AGO4: variants seen among roughly 807,000 people sequenced by gnomAD.
The protein encoded by AGO4 is argonaute RISC component 4, also known as protein argonaute-4.
Under a neutral mutation model 104.7 loss-of-function variants are expected in AGO4, and 33 were observed. That is an observed-to-expected ratio of 0.32 (90% CI 0.24 to 0.42). AGO4 has a LOEUF of 0.42. Ranked by LOEUF, AGO4 falls within the 10% of genes least tolerant of loss-of-function variation. The probability of loss-of-function intolerance (pLI) is 1.00; values close to 1 mark genes in which losing one functional copy is unlikely to be tolerated. For missense variants in AGO4, 711 were observed against 1,083.4 expected (o/e 0.66, Z 4.83); for synonymous variants, 331 against 364.7 (o/e 0.91, Z 1.05).
At chr1:35,828,515 C>T (rs910886439) in intron 7 of AGO4, among the ~76,000 whole-genome samples, 1 of 151,998 alleles carries the variant, frequency 6.6e-6, no homozygotes, top group African/African-American at 2.4e-5. Flanking sequence ...TTCCTAATCA[C>T]CCAACACTTC....
At chr1:35,843,136 C>T (rs542716036) in intron 15 of AGO4, among the ~76,000 whole-genome samples, 2 of 152,258 alleles carry the variant, frequency 1.3e-5, no homozygotes, top group East Asian at 3.9e-4. Flanking sequence ...ACAATCTTGG[C>T]TCACTGCAAC....
chr1:35,826,693 T>C (rs1644028407), intron 6 of AGO4, 55 bp from the exon 7 acceptor site: 1 of 1,418,518 alleles, frequency 7.0e-7, no homozygotes, highest in Admixed American at 1.7e-5. Context: ...TTGAATCTGT[T>C]TTTGCCACTG....
intron 7 of AGO4, among the ~76,000 whole-genome samples, chr1:35,828,421 T>C (rs1207629854): frequency 6.6e-6 from 1 of 152,156 alleles, no homozygotes; most frequent in Non-Finnish European, 1.5e-5. Context: ...TCCCTCCCTT[T>C]GTAGGTAGCT....
intron 2 of AGO4, among the ~76,000 whole-genome samples, chr1:35,820,659 A>G (rs1643871220): frequency 6.6e-6 from 1 of 152,008 alleles, no homozygotes; most frequent in Non-Finnish European, 1.5e-5. Flanking sequence ...GCCTGGCCCA[A>G]GAAAGTTTGA....
chr1:35,851,618 T>C (rs1294265079), intron 17 of AGO4, among the ~76,000 whole-genome samples: 1 of 152,224 alleles, frequency 6.6e-6, no homozygotes, highest in Non-Finnish European at 1.5e-5. Context: ...TTAATTTTCT[T>C]TTCCAAATGA....
chr1:35,842,128 A>G (rs1207804862), intron 15 of AGO4, among the ~76,000 whole-genome samples: 2 of 152,128 alleles, frequency 1.3e-5, no homozygotes, highest in Non-Finnish European at 2.9e-5. Flanking sequence ...TTATCTTCCA[A>G]ATAATTTTAT....
intron 15 of AGO4, among the ~76,000 whole-genome samples, chr1:35,846,885 A>T (rs965779581): frequency 6.6e-6 from 1 of 152,100 alleles, no homozygotes; most frequent in African/African-American, 2.4e-5. Context: ...AGTCCCTGAT[A>T]TAAAATGGTA....
rs776495061 is a variant in AGO4, at chr1:35,832,152, A to G, written c.1212A>G (p.Val404=). ...AAATGACAGAGCTCACAGGCAGGGT[A>G]CTTCCAGCACCAATGCTGCAATATG... The part of the protein sequence containing the change: ...HNEMTELTGR[V]LPAPMLQYGG... The change falls in exon 10 of 18, where the codon GTA becomes GTG. Residue 404 remains valine (V), a synonymous_variant. Coordinates refer to ENST00000373210, the MANE Select transcript of AGO4 (RefSeq NM_017629.4). The G allele has an allele frequency of 2.5e-6, 4 of 1,614,044 alleles. No individual in the cohort carries two copies. In the South Asian group the frequency reaches 3.3e-5, roughly 13 times the overall value.
rs1643729489 is a variant in AGO4, at chr1:35,816,960, A to T, written c.98A>T (p.Asn33Ile). ...TVGKPIRLLA[N>I]HFQVQIPKID... ...GGAAAACCAATTCGACTGTTAGCCA[A>T]TCATTTTCAGGTTCAGATTCCTAAA... is the stretch of plus-strand genomic sequence containing the variant. Residue 33 changes from asparagine to isoleucine, a missense_variant, in exon 2 of 18, where the codon AAT becomes ATT. Coordinates refer to ENST00000373210, the MANE Select transcript of AGO4 (RefSeq NM_017629.4). The T allele has an allele frequency of 6.2e-7, 1 of 1,613,996 alleles. No individual in the cohort carries two copies. The highest frequency in any genetic ancestry group is 1.7e-5 in the Admixed American group (1 of 59,996).
Position 35,831,419 on chromosome 1 carries a change from T to C in AGO4, c.849-8T>C, listed in dbSNP as rs372179685. 6.3e-7 allele frequency: 1 copy of C among 1,595,872 alleles called. No homozygotes were observed. The highest frequency in any genetic ancestry group is 1.4e-5 in the African/African-American group (1 of 73,736). On this transcript the variant is annotated splice_polypyrimidine_tract_variant and splice_region_variant and intron_variant, in intron 7 of 17. Transcript: ENST00000373210. ...GAAATATTCTAAAAAAGACATTCTC[T>C]CCTATAGTTTTCCTTTGCAGCTAGA...
intron 1 of AGO4, among the ~76,000 whole-genome samples, chr1:35,814,654 A>G (rs1643632298): frequency 6.6e-6 from 1 of 152,136 alleles, no homozygotes; most frequent in South Asian, 2.1e-4. Flanking sequence ...AGTCTTTTGA[A>G]CACAGAGGAC....
At chr1:35,809,318 T>C (rs1223363313) in intron 1 of AGO4, among the ~76,000 whole-genome samples, 1 of 152,244 alleles carries the variant, frequency 6.6e-6, no homozygotes, top group Non-Finnish European at 1.5e-5. Flanking sequence ...AGGTTTCTAA[T>C]GCCTTGGCTA....
rs772450860 is a variant in AGO4 at position 35,826,817 on chromosome 1, G to A, written c.830G>A (p.Arg277Gln). 7.4e-6 allele frequency: 12 copies of A among 1,613,924 alleles called. No homozygotes were observed. Among genetic ancestry groups the A allele is most frequent in the Admixed American group, 6.7e-5 (4 of 59,978 alleles). ...RKYRVCNVTR[R>Q]PASHQTFPLQ... The stretch of plus-strand genomic sequence containing the variant: ...TACCGAGTTTGTAATGTGACTAGAC[G>A]GCCAGCCAGTCATCAAACGTATGTT... Residue 277 changes from arginine to glutamine, a missense_variant, in exon 7 of 18, where the codon CGG (arginine) becomes CAG (glutamine). Around this residue, in one of 3 missense-constraint regions of AGO4, gnomAD observed 308 missense variants for 397.8 expected, o/e 0.77. Coordinates refer to ENST00000373210, the MANE Select transcript of AGO4 (RefSeq NM_017629.4).
chr1:35,838,156 G>A (rs1049595534), intron 13 of AGO4, among the ~76,000 whole-genome samples: 7 of 151,734 alleles, frequency 4.6e-5, no homozygotes, highest in South Asian at 2.1e-4. Context: ...GAGTTCAAGC[G>A]ATTCTCCTGC....
chr1:35,808,325 A>T lies in AGO4; in HGVS notation c.-92A>T. 1 of 793,062 alleles carries T rather than the reference A, an allele frequency of 1.3e-6. No individual in the cohort carries two copies. The highest frequency in any genetic ancestry group is 1.5e-6 in the Non-Finnish European group (1 of 652,512). The allele number at this position is 793,062 out of a possible 1,614,324, so 49.1% of individuals were successfully genotyped here. On this transcript the variant is annotated 5_prime_UTR_variant, in exon 1 of 18. Transcript: ENST00000373210. This position sits in a 1 kb window ranked among gnomAD's most constrained non-coding sequence, Gnocchi z 5.2. ...CGCCACCCCAGCGCCAATATTCCGG[A>T]GATCAAGCGTTACGCGGCGGCGGCG... is the stretch of plus-strand genomic sequence containing the variant.
intron 11 of AGO4, 105 bp downstream of exon 11, chr1:35,832,675 A>C: frequency 7.3e-7 from 1 of 1,374,552 alleles, no homozygotes; most frequent in South Asian, 1.7e-5. Flanking sequence ...CCTGACTCCC[A>C]TAGTGACACC....
intron 3 of AGO4, 37 bp downstream of exon 3, chr1:35,823,019 G>C (rs1643921393): frequency 1.2e-6 from 2 of 1,600,404 alleles, no homozygotes; most frequent in South Asian, 2.2e-5. Context: ...AGTTCATTTA[G>C]TAGTAATTAT....
At chr1:35,842,147 A>G (rs1486613957) in intron 15 of AGO4, among the ~76,000 whole-genome samples, 1 of 152,124 alleles carries the variant, frequency 6.6e-6, no homozygotes, top group Non-Finnish European at 1.5e-5. Context: ...ATATCCGCAT[A>G]GGACACGGGT....
At chr1:35,827,193 C>A (rs1215627793) in intron 7 of AGO4, among the ~76,000 whole-genome samples, 1 of 150,252 alleles carries the variant, frequency 6.7e-6, no homozygotes, top group East Asian at 2.0e-4. Context: ...AGAGCAAGAC[C>A]CTGTCTCAAA....
Sources: gnomAD v4.1 joint callset for allele counts (sites outside exome capture counted in the v4.1 genomes callset) on GRCh38, gnomAD v4.1.1 for gene constraint, gnomAD v4.1.1 regional missense constraint, Gnocchi (gnomAD v3.1) non-coding constraint, MANE v1.5 for transcripts, NCBI Gene and HGNC (gene_info 2026-07-23, HGNC 2026-07-21) for gene names.